The following CDK9 variants were observed in gnomAD, a reference collection of about 807,000 sequenced individuals.
CDK9 encodes the protein cyclin-dependent kinase 9.
Under a neutral mutation model 39.0 loss-of-function variants are expected in CDK9, and 34 were observed. The observed-to-expected ratio is 0.87, with a 90% CI of 0.66 to 1.16. The LOEUF (loss-of-function observed/expected upper bound fraction) is 1.16. Among genes scored for constraint, CDK9 ranks in the 50% most tolerant of loss-of-function variants. The pLI is 0.00. For missense variants in CDK9, 369 were observed against 503.2 expected (o/e 0.73, Z 2.55); for synonymous variants, 233 against 196.2 (o/e 1.19, Z -1.57).
At chr9:127,787,869 G>A (rs865876216) in intron 3 of CDK9, 78 bp from the exon 4 acceptor site, 1 of 1,503,744 alleles carries the variant, frequency 6.7e-7, no homozygotes, top group African/African-American at 1.4e-5. Flanking sequence ...GGTTGGAGCA[G>A]GAAGAAAGAA....
rs372825047 is a variant in CDK9, at chr9:127,788,648, C to G, written c.709C>G (p.Gln237Glu). The G allele has an allele frequency of 1.2e-6, 2 of 1,611,760 alleles. No individual in the cohort carries two copies. Among genetic ancestry groups the G allele is most frequent in the Non-Finnish European group, 8.5e-7 (1 of 1,179,246 alleles). ...CATGCAGGGCAACACGGAGCAGCAC[C>G]AACTCGCCCTCATCAGTCAGCTCTG... ...PIMQGNTEQH[Q>E]LALISQLCGS... The change falls in exon 6 of 7, where the codon CAA becomes GAA. Residue 237 changes from glutamine to glutamate, a missense_variant. Physicochemically the swap from Gln to Glu is conservative, Grantham distance 29. Transcript: ENST00000373264.
Position 127,789,272 on chromosome 9 carries a change from T to G in CDK9, c.848T>G (p.Val283Gly), listed in dbSNP as rs758087169. ...GTGAAGGACAGGCTGAAGGCCTATG[T>G]GCGTGACCCATACGCACTGGACCTC... ...RKVKDRLKAY[V>G]RDPYALDLID... The change falls in exon 7 of 7, where the codon GTG (valine) becomes GGG (glycine). Residue 283 changes from valine (V) to glycine (G), a missense_variant. Physicochemically the swap from Val to Gly is moderately radical, Grantham distance 109 (BLOSUM62 -3). Transcript: ENST00000373264. This position sits in a 1 kb window ranked among gnomAD's most constrained non-coding sequence, Gnocchi z 5.2. The G allele has an allele frequency of 2.8e-5, 45 of 1,613,886 alleles. No homozygotes were observed. Among genetic ancestry groups the G allele is most frequent in the Non-Finnish European group, 3.8e-5 (45 of 1,180,014 alleles).
At position 127,789,340 on chromosome 9, in the gene CDK9, A is replaced by C. The variant is rs763822642; in HGVS notation, c.916A>C (p.Ser306Arg). 1 of 1,614,032 alleles carries C rather than the reference A, an allele frequency of 6.2e-7. No homozygotes were observed. The highest frequency in any genetic ancestry group is 8.5e-7 in the Non-Finnish European group (1 of 1,180,042). The change falls in exon 7 of 7, where the codon AGC becomes CGC. Residue 306 changes from serine (S) to arginine (R), a missense_variant. By Grantham distance (110) the Ser-to-Arg change is moderately radical. Transcript: ENST00000373264. The surrounding 1 kb of genome is among the most constrained non-coding windows in gnomAD (Gnocchi z 5.2). ...GCTGGACCCTGCCCAGCGCATCGAC[A>C]GCGATGACGCCCTCAACCACGACTT... ...LVLDPAQRIDSDDALNHDFFW... is the reference protein window; with the variant it reads ...LVLDPAQRIDRDDALNHDFFW...
rs1829363027 is a variant in CDK9 at position 127,788,082 on chromosome 9, T to C, written c.401T>C (p.Leu134Pro). Residue 134 changes from leucine to proline, a missense_variant, in exon 4 of 7, where the codon CTT becomes CCT. Leu to Pro is a moderately conservative substitution (Grantham distance 98, BLOSUM62 -3). Transcript: ENST00000373264. ...SEIKRVMQML[L>P]NGLYYIHRNK... ...ATCAAGAGGGTGATGCAGATGCTGCTTAACGGCCTCTACTACATCCACAGA... is the reference window on the plus strand; with the variant it reads ...ATCAAGAGGGTGATGCAGATGCTGCCTAACGGCCTCTACTACATCCACAGA... 1.5e-5 allele frequency: 25 copies of C among 1,614,094 alleles called. No individual in the cohort carries two copies. The highest frequency in any genetic ancestry group is 2.1e-5 in the Non-Finnish European group (25 of 1,180,048).
intron 1 of CDK9, 45 bp downstream of exon 1, chr9:127,786,285 C>G (rs779209522): frequency 1.3e-6 from 2 of 1,486,198 alleles, no homozygotes; most frequent in Admixed American, 1.9e-5. Context: ...GCCTGCACCC[C>G]TAGGGCCGAC....
At chr9:127,788,961 CA>C in intron 6 of CDK9, among the ~76,000 whole-genome samples, 1 of 152,254 alleles carries the variant, frequency 6.6e-6, no homozygotes, top group African/African-American at 2.4e-5. Flanking sequence ...TGACGTGTAT[CA>C]GGGTTGGAGC....
chr9:127,786,318 C>CG (rs71380090), intron 1 of CDK9, 78 bp downstream of exon 1: 5 of 1,199,750 alleles, frequency 4.2e-6, no homozygotes, highest in Non-Finnish European at 6.1e-6. Flanking sequence ...GGGCCCCCCC[C>CG]GAGTTGGTAG....
At chr9:127,786,342 C>A (rs1023047310) in intron 1 of CDK9, 102 bp downstream of exon 1, 3 of 993,598 alleles carry the variant, frequency 3.0e-6, no homozygotes, top group Admixed American at 2.2e-5. Flanking sequence ...AGTCGTCTGT[C>A]CCCGGGCTTG....
chr9:127,788,192 C>T (rs766106317), intron 4 of CDK9, 22 bp from the exon 5 acceptor site: 7 of 1,613,628 alleles, frequency 4.3e-6, no homozygotes, highest in Admixed American at 3.3e-5. Flanking sequence ...CACTAAAGGA[C>T]CCACTCTTGC....
At position 127,789,609 on chromosome 9, in the gene CDK9, G is replaced by A; in HGVS notation, c.*66G>A. 1 of 1,558,788 alleles carries A rather than the reference G, an allele frequency of 6.4e-7. No homozygotes were observed. The highest frequency in any genetic ancestry group is 8.7e-7 in the Non-Finnish European group (1 of 1,154,232). On this transcript the variant is annotated 3_prime_UTR_variant, in exon 7 of 7. Transcript: ENST00000373264. The surrounding 1 kb of genome is among the most constrained non-coding windows in gnomAD (Gnocchi z 5.2). ...TCTGCTATGTGACTTGCATCGTGGA[G>A]ACAGGGCATTTGAGTTTATATCTCT...
intron 1 of CDK9, 130 bp downstream of exon 1, chr9:127,786,370 C>T (rs1375741103): frequency 2.5e-6 from 2 of 794,476 alleles, no homozygotes; most frequent in East Asian, 5.5e-5. Context: ...GTCTCTAGGC[C>T]GCGCCGCACC....
In CDK9 at chr9:127,790,339, G is replaced by C. The variant is rs1012622849; in HGVS notation, c.*796G>C. On this transcript the variant is annotated 3_prime_UTR_variant, in exon 7 of 7. Transcript: ENST00000373264. ...GGGAATTGGTGAGGGCCTGCTGTGA[G>C]CTGCTGTGGCTGCGATGGTCACCCA... 6.6e-6 allele frequency: 1 copy of C among 152,312 alleles called. No homozygotes were observed. Among genetic ancestry groups the C allele is most frequent in the Non-Finnish European group, 1.5e-5 (1 of 68,134 alleles). The allele number at this position is 152,312 out of a possible 1,614,324, so 9.4% of individuals were successfully genotyped here.
In CDK9 at chr9:127,789,265, G is replaced by A. The variant is rs1365208357; in HGVS notation, c.841G>A (p.Ala281Thr). The A allele has an allele frequency of 3.1e-6, 5 of 1,613,794 alleles. No homozygotes were observed. Among genetic ancestry groups the A allele is most frequent in the Non-Finnish European group, 8.5e-7 (1 of 1,179,870 alleles). ...QKRKVKDRLKAYVRDPYALDL... is the reference protein window; with the variant it reads ...QKRKVKDRLKTYVRDPYALDL... ...GCGGAAGGTGAAGGACAGGCTGAAGGCCTATGTGCGTGACCCATACGCACT... is the reference window on the plus strand; with the variant it reads ...GCGGAAGGTGAAGGACAGGCTGAAGACCTATGTGCGTGACCCATACGCACT... The change falls in exon 7 of 7, where the codon GCC becomes ACC. Residue 281 changes from alanine to threonine, a missense_variant. Transcript: ENST00000373264. The surrounding 1 kb of genome is among the most constrained non-coding windows in gnomAD (Gnocchi z 5.2).
In CDK9 at chr9:127,788,450, A is replaced by G; in HGVS notation, c.604+65A>G. The G allele has an allele frequency of 2.6e-6, 4 of 1,554,002 alleles. No homozygotes were observed. In the Admixed American group the frequency reaches 7.9e-5, roughly 31 times the overall value. ...GCATCTACCTGGCCCCTTCCCCCCA[A>G]CTGCCAGGGCTTCTTGAGCTGCCGG... On this transcript the variant is annotated intron_variant, in intron 5 of 6. Transcript: ENST00000373264.
intron 2 of CDK9, among the ~76,000 whole-genome samples, chr9:127,787,314 A>AT (rs1439155150): frequency 2.6e-5 from 4 of 152,234 alleles, no homozygotes; most frequent in Non-Finnish European, 5.9e-5. Flanking sequence ...ATAGCAAAGT[A>AT]TTGCTGTTTC....
intron 5 of CDK9, 25 bp from the exon 6 acceptor site, chr9:127,788,519 C>T: frequency 6.5e-7 from 1 of 1,540,470 alleles, no homozygotes; most frequent in Non-Finnish European, 8.8e-7. Flanking sequence ...CTCAAGGGGC[C>T]CTCCTGGTGC....
rs966489966 is a variant in CDK9, at chr9:127,787,830, A to T, written c.266-117A>T. 5 of 1,122,282 alleles carry T rather than the reference A, an allele frequency of 4.5e-6. No homozygotes were observed. In the African/African-American group the frequency reaches 7.7e-5, roughly 17 times the overall value. 69.5% of individuals were successfully genotyped at this position (1,122,282 alleles called of 1,614,324 possible). On this transcript the variant is annotated intron_variant, in intron 3 of 6. Coordinates refer to ENST00000373264, the MANE Select transcript of CDK9 (RefSeq NM_001261.4). ...TTGACCGGTGAAGGAAGGAACAGAC[A>T]GATGCTCTGGAGGGCATGGGTGCCC...
At position 127,789,403 on chromosome 9, in the gene CDK9, A is replaced by G; in HGVS notation, c.979A>G (p.Met327Val). 6.2e-7 allele frequency: 1 copy of G among 1,614,030 alleles called. No homozygotes were observed. The highest frequency in any genetic ancestry group is 8.5e-7 in the Non-Finnish European group (1 of 1,180,022). The change falls in exon 7 of 7, where the codon ATG (methionine) becomes GTG (valine). Residue 327 changes from methionine to valine, a missense_variant. Transcript: ENST00000373264. This position sits in a 1 kb window ranked among gnomAD's most constrained non-coding sequence, Gnocchi z 5.2. ...CCCCATGCCCTCCGACCTCAAGGGC[A>G]TGCTCTCCACCCACCTGACGTCCAT... ...SDPMPSDLKG[M>V]LSTHLTSMFE...
chr9:127,786,157 G>A lies in CDK9; in HGVS notation c.9G>A (p.Lys3=), dbSNP rs1346438237. MA[K]QYDSVECPFC... ...GCGCGTTGGAGGCGGCCATGGCAAA[G>A]CAGTACGACTCGGTGGAGTGCCCTT... The change falls in exon 1 of 7, where the codon AAG becomes AAA. Residue 3 remains lysine (K), a synonymous_variant. Coordinates refer to ENST00000373264, the MANE Select transcript of CDK9 (RefSeq NM_001261.4). 6.2e-7 allele frequency: 1 copy of A among 1,605,146 alleles called. No individual in the cohort carries two copies. The highest frequency in any genetic ancestry group is 1.7e-5 in the Admixed American group (1 of 59,468).
Sources: gnomAD v4.1 joint callset for allele counts (sites outside exome capture counted in the v4.1 genomes callset) on GRCh38, gnomAD v4.1.1 for gene constraint, Gnocchi (gnomAD v3.1) non-coding constraint, MANE v1.5 for transcripts, NCBI Gene and HGNC (gene_info 2026-07-23, HGNC 2026-07-21) for gene names.